The following MAP3K20 variants were observed in gnomAD, a reference collection of about 807,000 sequenced individuals.
MAP3K20 encodes the protein mitogen-activated protein kinase kinase kinase 20.
Under a neutral mutation model 85.7 loss-of-function variants are expected in MAP3K20, and 40 were observed. That is an observed-to-expected ratio of 0.47 (90% CI 0.36 to 0.61). MAP3K20 has a LOEUF of 0.61. MAP3K20 is among the 20% of genes least tolerant of loss of function. The pLI, the probability that MAP3K20 is intolerant of heterozygous loss-of-function variation, is 0.00. For missense variants in MAP3K20, 817 were observed against 961.7 expected (o/e 0.85, Z 1.99); for synonymous variants, 325 against 327.7 (o/e 0.99, Z 0.09).
rs1044228159 is a variant in MAP3K20 at position 173,177,589 on chromosome 2, C to T, written c.248-5265C>T. ...CGGCCTCCCGAGTAGCCACCATGCC[C>T]GGCTAATTTTTTGTATTTTTAGTAA... On this transcript the variant is annotated intron_variant, in intron 3 of 19. Coordinates refer to ENST00000375213, the MANE Select transcript of MAP3K20 (RefSeq NM_016653.3). Among the ~76,000 whole-genome samples the T allele has an allele frequency of 3.3e-5, 5 of 151,510 alleles. No homozygotes were observed. In the South Asian group the frequency reaches 6.3e-4, roughly 19 times the overall value.
chr2:173,261,222 T>A, intron 18 of MAP3K20, 85 bp downstream of exon 18: 1 of 1,383,798 alleles, frequency 7.2e-7, no homozygotes, highest in East Asian at 2.4e-5. Flanking sequence ...ATATAATTTA[T>A]TGGGAGATAT....
intron 9 of MAP3K20, among the ~76,000 whole-genome samples, chr2:173,209,051 T>C (rs1683786674): frequency 6.6e-6 from 1 of 152,234 alleles, no homozygotes; most frequent in Non-Finnish European, 1.5e-5. Context: ...ACAGTGAAGT[T>C]ATGATGGCTT....
At chr2:173,225,305 CA>C in intron 11 of MAP3K20, 1 of 343,436 alleles carries the variant, frequency 2.9e-6, no homozygotes, top group Non-Finnish European at 4.1e-6. Context: ...GTCTTCCATC[CA>C]AAAGGGGCAG....
chr2:173,095,022 A>G (rs529601560), intron 2 of MAP3K20, among the ~76,000 whole-genome samples: 2 of 152,352 alleles, frequency 1.3e-5, no homozygotes, highest in South Asian at 4.1e-4. Context: ...AAAAAGTTCT[A>G]GCATAAGTGA....
At chr2:173,242,772 T>A (rs559549392) in intron 16 of MAP3K20, among the ~76,000 whole-genome samples, 2 of 139,702 alleles carry the variant, frequency 1.4e-5, no homozygotes, top group South Asian at 5.0e-4. Context: ...AGTGGTGCAA[T>A]CTCGGCTCAC....
chr2:173,140,573 C>T (rs1688942603), intron 2 of MAP3K20, among the ~76,000 whole-genome samples: 1 of 151,598 alleles, frequency 6.6e-6, no homozygotes, highest in Non-Finnish European at 1.5e-5. Flanking sequence ...TGTTCTCGAA[C>T]TCCCAACCTC....
chr2:173,178,534 C>G (rs1490946114), intron 3 of MAP3K20, among the ~76,000 whole-genome samples: 1 of 152,128 alleles, frequency 6.6e-6, no homozygotes, highest in East Asian at 1.9e-4. Context: ...GTCCCAGCTA[C>G]TCAGGAGGCT....
At chr2:173,190,811 A>T in intron 5 of MAP3K20, 84 bp from the exon 6 acceptor site, 5 of 1,232,764 alleles carry the variant, frequency 4.1e-6, no homozygotes, top group Non-Finnish European at 5.7e-6. Context: ...GAAGACAGAA[A>T]TAGAAGTTTA....
intron 11 of MAP3K20, chr2:173,226,749 T>C: frequency 1.0e-6 from 1 of 985,756 alleles, no homozygotes; most frequent in Non-Finnish European, 1.2e-6. Context: ...ATGTCAGATA[T>C]GATACACTGC....
intron 11 of MAP3K20, chr2:173,223,121 A>T: frequency 1.0e-6 from 1 of 985,392 alleles, no homozygotes; most frequent in Non-Finnish European, 1.2e-6. Context: ...AGAGGTGAAA[A>T]ATACCACATA....
intron 2 of MAP3K20, among the ~76,000 whole-genome samples, chr2:173,096,937 CA>C (rs966311211): frequency 6.6e-6 from 1 of 152,136 alleles, no homozygotes; most frequent in Non-Finnish European, 1.5e-5. Flanking sequence ...GAGCTGGGAT[CA>C]AATTGAACTG....
intron 2 of MAP3K20, among the ~76,000 whole-genome samples, chr2:173,098,222 C>T (rs532897686): frequency 8.5e-5 from 13 of 152,260 alleles, no homozygotes; most frequent in Middle Eastern, 3.4e-3. Context: ...TCGTCCAAAG[C>T]GGTGCTCAAG....
chr2:173,085,443 G>T (rs1344373203), intron 1 of MAP3K20, among the ~76,000 whole-genome samples: 39 of 152,270 alleles, frequency 2.6e-4, no homozygotes, highest in South Asian at 2.1e-4. Context: ...ATTAGGTGAT[G>T]CTGCTATATA....
chr2:173,075,912 G>C lies in MAP3K20; in HGVS notation c.-125G>C, dbSNP rs1272883604. ...ACTGCAGCGGAAACGTGGGAGCCGC[G>C]CGGGCCGCTGTCGTCCCAACCCCCG... On this transcript the variant is annotated 5_prime_UTR_variant, in exon 1 of 20. Transcript: ENST00000375213. The C allele has an allele frequency of 1.0e-6, 1 of 984,242 alleles. No individual in the cohort carries two copies. Among genetic ancestry groups the C allele is most frequent in the Non-Finnish European group, 1.2e-6 (1 of 829,126 alleles). The allele number at this position is 984,242 out of a possible 1,614,324, so 61.0% of individuals were successfully genotyped here.
intron 16 of MAP3K20, among the ~76,000 whole-genome samples, chr2:173,243,437 T>C (rs1437599231): frequency 6.6e-6 from 1 of 152,094 alleles, no homozygotes; most frequent in African/African-American, 2.4e-5. Context: ...TGGAATAATT[T>C]TGAGGGGACT....
chr2:173,141,832 GA>G (rs1180909726), intron 2 of MAP3K20, among the ~76,000 whole-genome samples: 2 of 151,494 alleles, frequency 1.3e-5, no homozygotes, highest in Non-Finnish European at 2.9e-5. Context: ...AAAACAGCCA[GA>G]AAAAAAAGAC....
intron 2 of MAP3K20, among the ~76,000 whole-genome samples, chr2:173,134,237 C>T (rs1246204516): frequency 7.1e-6 from 1 of 141,450 alleles, no homozygotes; most frequent in Non-Finnish European, 1.5e-5. Context: ...GTCCTCCAGA[C>T]TGGAGTGCCG....
At chr2:173,253,891 G>C (rs567034268) in intron 16 of MAP3K20, among the ~76,000 whole-genome samples, 2 of 151,888 alleles carry the variant, frequency 1.3e-5, no homozygotes, top group East Asian at 3.9e-4. Context: ...AACATAGTGA[G>C]ACTTCATCTC....
chr2:173,206,176 A>C (rs1683682076), intron 9 of MAP3K20, among the ~76,000 whole-genome samples: 1 of 152,204 alleles, frequency 6.6e-6, no homozygotes, highest in African/African-American at 2.4e-5. Flanking sequence ...ATGCAAAGCA[A>C]ATTTTGAGTT....
Sources: gnomAD v4.1 joint callset for allele counts (sites outside exome capture counted in the v4.1 genomes callset) on GRCh38, gnomAD v4.1.1 for gene constraint, MANE v1.5 for transcripts, NCBI Gene and HGNC (gene_info 2026-07-23, HGNC 2026-07-21) for gene names.